RNF115: variants seen among roughly 807,000 people sequenced by gnomAD.
RNF115 encodes E3 ubiquitin-protein ligase RNF115.
In RNF115, 31 loss-of-function variants were observed where a neutral mutation model predicts 39.2. That is an observed-to-expected ratio of 0.79 (90% CI 0.59 to 1.07). The LOEUF (loss-of-function observed/expected upper bound fraction) is 1.07, where lower values mean the gene tolerates loss of function less well. Among genes scored for constraint, RNF115 ranks in the 50% least tolerant of loss-of-function variants. The pLI is 0.00. For missense variants in RNF115, 384 were observed against 381.7 expected (o/e 1.01, Z -0.05); for synonymous variants, 124 against 131.0 (o/e 0.95, Z 0.37).
chr1:145,824,032 G>C lies in RNF115; in HGVS notation c.-159C>G, dbSNP rs1204762685. 2 of 520,100 alleles carry C rather than the reference G, an allele frequency of 3.8e-6. No homozygotes were observed. The highest frequency in any genetic ancestry group is 8.7e-5 in the Admixed American group (2 of 22,912). The allele number at this position is 520,100 out of a possible 1,614,324, so 32.2% of individuals were successfully genotyped here. ...GTGAGTTGGCCAGGCCCAGAAACGC[G>C]GCGGCGCCAACAGCTACCCTGCGGC... On this transcript the variant is annotated 5_prime_UTR_variant, in exon 1 of 9. Transcript: ENST00000582693.
intron 4 of RNF115, among the ~76,000 whole-genome samples, chr1:145,757,506 G>A (rs1658347313): frequency 6.6e-6 from 1 of 152,162 alleles, no homozygotes; most frequent in Non-Finnish European, 1.5e-5. Flanking sequence ...ATGAAAACCG[G>A]TCTCTGGGCC....
At chr1:145,818,644 CA>C (rs1650091039) in intron 1 of RNF115, among the ~76,000 whole-genome samples, 1 of 126,782 alleles carries the variant, frequency 7.9e-6, no homozygotes, top group African/African-American at 2.7e-5. Context: ...ACAGTTAAAG[CA>C]GTATTAAGAG....
intron 4 of RNF115, among the ~76,000 whole-genome samples, chr1:145,753,493 A>G (rs1658173837): frequency 6.6e-6 from 1 of 152,162 alleles, no homozygotes; most frequent in Non-Finnish European, 1.5e-5. Context: ...AAAAAGTTTA[A>G]GCAATAATTC....
chr1:145,787,311 C>A (rs1460425462), intron 2 of RNF115, among the ~76,000 whole-genome samples: 1 of 152,208 alleles, frequency 6.6e-6, no homozygotes, highest in African/African-American at 2.4e-5. Flanking sequence ...CAGTGGCTCA[C>A]ACTTGTAATC....
intron 4 of RNF115, among the ~76,000 whole-genome samples, chr1:145,765,696 A>G (rs1343386639): frequency 6.6e-6 from 1 of 152,324 alleles, no homozygotes; most frequent in Admixed American, 6.5e-5. Context: ...AGATGCACTT[A>G]AAGTCAGATA....
chr1:145,752,822 C>T (rs1415407686), intron 5 of RNF115, among the ~76,000 whole-genome samples, 156 bp downstream of exon 5: 1 of 151,898 alleles, frequency 6.6e-6, no homozygotes, highest in Non-Finnish European at 1.5e-5. Context: ...CTCCTGACCT[C>T]GTGATCCGCC....
intron 6 of RNF115, 100 bp from the exon 7 acceptor site, chr1:145,750,600 A>C (rs1325456233): frequency 1.2e-6 from 1 of 852,944 alleles, no homozygotes; most frequent in African/African-American, 1.7e-5. Flanking sequence ...GACATTAGGT[A>C]TGTTAGTTAC....
At chr1:145,772,665 T>A (rs939789808) in intron 3 of RNF115, 2 of 152,244 alleles carry the variant, frequency 1.3e-5, no homozygotes, top group African/African-American at 2.4e-5. Context: ...TCTCTCTTTA[T>A]CTCTGGCTTC....
intron 4 of RNF115, among the ~76,000 whole-genome samples, chr1:145,763,894 C>T (rs1238848988): frequency 2.4e-5 from 3 of 126,334 alleles, no homozygotes; most frequent in Non-Finnish European, 5.2e-5. Context: ...CCCTCCCCCT[C>T]CCCCTCCCCC....
intron 4 of RNF115, among the ~76,000 whole-genome samples, chr1:145,760,469 G>C (rs1658456520): frequency 6.6e-6 from 1 of 152,150 alleles, no homozygotes; most frequent in African/African-American, 2.4e-5. Context: ...AGGGACCCTG[G>C]GGGAGGTAAT....
chr1:145,758,836 C>T (rs913915244), intron 4 of RNF115, among the ~76,000 whole-genome samples: 13 of 152,136 alleles, frequency 8.5e-5, no homozygotes, highest in African/African-American at 2.7e-4. Flanking sequence ...GGCCCCAATG[C>T]ATAAGAGCTG....
At chr1:145,764,405 C>T (rs1435817497) in intron 4 of RNF115, among the ~76,000 whole-genome samples, 1 of 151,958 alleles carries the variant, frequency 6.6e-6, no homozygotes, top group Admixed American at 6.5e-5. Flanking sequence ...GCGTCTCTGC[C>T]GGCCGCCCAT....
rs1474060153 is a variant in RNF115, at chr1:145,740,590, G to A, written c.*6276C>T. 6.6e-6 allele frequency: 1 copy of A among 152,240 alleles called. No homozygotes were observed. Among genetic ancestry groups the A allele is most frequent in the Non-Finnish European group, 1.5e-5 (1 of 68,052 alleles). 9.4% of individuals were successfully genotyped at this position (152,240 alleles called of 1,614,324 possible). A position where few individuals can be genotyped will look rare whatever the true frequency, so the allele number is the denominator to read the frequency against. On this transcript the variant is annotated 3_prime_UTR_variant, in exon 9 of 9. Coordinates refer to ENST00000582693, the MANE Select transcript of RNF115 (RefSeq NM_014455.4). ...CACGCATCTTAGCCCCAATCTGTAT[G>A]AGTGATTCACAAACACGGGTTTTGA...
chr1:145,812,792 A>T (rs782083136), intron 1 of RNF115, among the ~76,000 whole-genome samples: 1 of 151,886 alleles, frequency 6.6e-6, no homozygotes, highest in East Asian at 1.9e-4. Flanking sequence ...ATCTTTTTTT[A>T]ATTTTTTTTT....
chr1:145,739,124 TTC>T lies in RNF115; in HGVS notation c.*7740_*7741del, dbSNP rs1657614736. 6.6e-6 allele frequency: 1 copy of T among 152,324 alleles called. No homozygotes were observed. Among genetic ancestry groups the T allele is most frequent in the Non-Finnish European group, 1.5e-5 (1 of 68,068 alleles). The allele number at this position is 152,324 out of a possible 1,614,324, so 9.4% of individuals were successfully genotyped here. On this transcript the variant is annotated 3_prime_UTR_variant, in exon 9 of 9. Transcript: ENST00000582693. ...AATACTTGTTAACCTCTTTGGTCAT[TTC>T]TCTTTTTAAATAAATGCCCATAGCA...
intron 3 of RNF115, among the ~76,000 whole-genome samples, chr1:145,777,570 C>T (rs1159093721): frequency 6.6e-6 from 1 of 151,916 alleles, no homozygotes; most frequent in Non-Finnish European, 1.5e-5. Context: ...ATAAAAATAG[C>T]TTCAGGTCAT....
intron 2 of RNF115, 103 bp downstream of exon 2, chr1:145,788,805 G>C: frequency 1.2e-6 from 1 of 843,914 alleles, no homozygotes; most frequent in Non-Finnish European, 2.0e-6. Flanking sequence ...CGCTCTCTCT[G>C]TAGAGTGTAA....
chr1:145,812,582 C>T (rs1404102734), intron 1 of RNF115, among the ~76,000 whole-genome samples: 2 of 151,600 alleles, frequency 1.3e-5, no homozygotes, highest in South Asian at 2.1e-4. Flanking sequence ...ATTGCTTGAA[C>T]GTGGGAGGCG....
rs1658338072 is a variant in RNF115 at position 145,757,299 on chromosome 1, G to A, written c.429-4250C>T. Among the ~76,000 whole-genome samples, 2 of 152,118 alleles carry A rather than the reference G, an allele frequency of 1.3e-5. 1 individual carries two copies. Among genetic ancestry groups the A allele is most frequent in the Admixed American group, 1.3e-4 (2 of 15,272 alleles). On this transcript the variant is annotated intron_variant, in intron 4 of 8. Coordinates refer to ENST00000582693, the MANE Select transcript of RNF115 (RefSeq NM_014455.4). ...AGGACTTGAACACAGCTTTTTGGGG[G>A]ACACAATTCTACCCATTACAAGTGG... is the stretch of plus-strand genomic sequence containing the variant.
Sources: allele counts gnomAD v4.1 joint callset (sites outside exome capture counted in the v4.1 genomes callset), GRCh38; gene constraint gnomAD v4.1.1; transcripts MANE v1.5; gene names NCBI Gene and HGNC (gene_info 2026-07-23, HGNC 2026-07-21).